The following ADAM32 variants were observed in gnomAD, a reference collection of about 807,000 sequenced individuals.
ADAM32 encodes the protein ADAM metallopeptidase domain 32.
Under a neutral mutation model 114.9 loss-of-function variants are expected in ADAM32, and 89 were observed. The ratio of observed to expected loss-of-function variants is 0.77; its 90% confidence interval spans 0.65 to 0.92. The LOEUF is 0.92. ADAM32 is among the 40% of genes least tolerant of loss of function. The probability of loss-of-function intolerance (pLI) is 0.00; values close to 1 mark genes in which losing one functional copy is unlikely to be tolerated. For missense variants in ADAM32, 870 were observed against 932.8 expected (o/e 0.93, Z 0.88); for synonymous variants, 285 against 307.5 (o/e 0.93, Z 0.77).
chr8:39,127,501 A>G (rs1802188105), intron 2 of ADAM32, among the ~76,000 whole-genome samples: 1 of 151,890 alleles, frequency 6.6e-6, no homozygotes, highest in Admixed American at 6.6e-5. Context: ...GATTGTTTGT[A>G]TTTCTGTGGG....
In ADAM32 at chr8:39,200,540, T is replaced by G. The variant is rs1195773242; in HGVS notation, c.1053-10604T>G. ...GGATATTAGCCCTTTGTCAGATGAGTAGATTGCAAAAATTTTCTCCCATTC... is the reference window on the plus strand; with the variant it reads ...GGATATTAGCCCTTTGTCAGATGAGGAGATTGCAAAAATTTTCTCCCATTC... On this transcript the variant is annotated intron_variant, in intron 11 of 24. Transcript: ENST00000379907. Among the ~76,000 whole-genome samples the G allele has an allele frequency of 4.6e-5, 7 of 152,308 alleles. No individual in the cohort carries two copies. The East Asian group carries it at 1.4e-3, about 29-fold the overall frequency.
chr8:39,229,959 C>T (rs536433010), intron 14 of ADAM32, among the ~76,000 whole-genome samples: 2 of 152,278 alleles, frequency 1.3e-5, no homozygotes, highest in South Asian at 2.1e-4. Flanking sequence ...AAACGAGCCT[C>T]AATAAATTTA....
intron 2 of ADAM32, among the ~76,000 whole-genome samples, chr8:39,134,030 C>T (rs1414881882): frequency 6.6e-6 from 1 of 152,144 alleles, no homozygotes; most frequent in Non-Finnish European, 1.5e-5. Context: ...TGCTACATCG[C>T]CCCTTCTCTG....
intron 2 of ADAM32, among the ~76,000 whole-genome samples, chr8:39,135,482 G>A (rs1802744536): frequency 6.6e-6 from 1 of 152,094 alleles, no homozygotes; most frequent in Non-Finnish European, 1.5e-5. Context: ...TCAGTTTCCT[G>A]TAATGTTAGC....
chr8:39,189,347 G>T (rs988575057), intron 11 of ADAM32, among the ~76,000 whole-genome samples: 3 of 151,940 alleles, frequency 2.0e-5, no homozygotes, highest in African/African-American at 7.3e-5. Flanking sequence ...ATTGGCATTC[G>T]CTTAAACTAA....
intron 2 of ADAM32, among the ~76,000 whole-genome samples, chr8:39,122,361 G>A (rs1264001344): frequency 6.6e-6 from 1 of 152,042 alleles, no homozygotes; most frequent in Non-Finnish European, 1.5e-5. Context: ...ATAGAGGTGT[G>A]ACCTTAATCT....
intron 12 of ADAM32, among the ~76,000 whole-genome samples, chr8:39,215,731 T>C (rs555252331): frequency 6.6e-6 from 1 of 152,198 alleles, no homozygotes; most frequent in East Asian, 1.9e-4. Context: ...CTTGTTTTAT[T>C]GCATTGTGGT....
intron 9 of ADAM32, chr8:39,168,197 T>C (rs531004510): frequency 1.3e-5 from 2 of 152,228 alleles, no homozygotes; most frequent in South Asian, 2.1e-4. Context: ...GAAAAGAATA[T>C]ATTTGCAAGA....
Position 39,151,540 on chromosome 8 carries a change from A to G in ADAM32, c.517A>G (p.Ser173Gly). 3 of 1,561,606 alleles carry G rather than the reference A, an allele frequency of 1.9e-6. No individual in the cohort carries two copies. The highest frequency in any genetic ancestry group is 2.6e-6 in the Non-Finnish European group (3 of 1,159,102). ...ACCAATGGATGACAACATTTTTATA[A>G]GTGAAAAAGTGAGTTGTATATGTTT... ...EQPMDDNIFI[S>G]EKSEPAVPDL... The change falls in exon 6 of 25, where the codon AGT becomes GGT. Residue 173 changes from serine to glycine, a missense_variant. Coordinates refer to ENST00000379907, the MANE Select transcript of ADAM32 (RefSeq NM_145004.7).
Position 39,280,339 on chromosome 8 carries a change from GT to G in ADAM32, c.2280-791del, listed in dbSNP as rs1007765174. Among the ~76,000 whole-genome samples, 4 of 152,148 alleles carry G rather than the reference GT, an allele frequency of 2.6e-5. No homozygotes were observed. The South Asian group carries it at 8.3e-4, about 32-fold the overall frequency. ...GACTGTCAATCTTAGTTATGCATACGTTTTTTGTTTTCTTCAGCTTTTCTCT... is the reference window on the plus strand; with the variant it reads ...GACTGTCAATCTTAGTTATGCATACGTTTTTGTTTTCTTCAGCTTTTCTCT... On this transcript the variant is annotated intron_variant, in intron 22 of 24. Coordinates refer to ENST00000379907, the MANE Select transcript of ADAM32 (RefSeq NM_145004.7).
intron 11 of ADAM32, among the ~76,000 whole-genome samples, chr8:39,205,473 G>A (rs984762203): frequency 6.6e-5 from 10 of 152,242 alleles, no homozygotes; most frequent in African/African-American, 2.4e-4. Flanking sequence ...CATTGGAAAA[G>A]CACAGTATTA....
At chr8:39,143,110 C>A (rs1803275450) in intron 3 of ADAM32, among the ~76,000 whole-genome samples, 1 of 152,176 alleles carries the variant, frequency 6.6e-6, no homozygotes, top group South Asian at 2.1e-4. Flanking sequence ...ATTTGTCTAA[C>A]CTTTTTTCAA....
At position 39,283,602 on chromosome 8, in the gene ADAM32, A is replaced by G; in HGVS notation, c.2335A>G (p.Ser779Gly). 4.4e-6 allele frequency: 7 copies of G among 1,603,250 alleles called. No individual in the cohort carries two copies. Among genetic ancestry groups the G allele is most frequent in the Non-Finnish European group, 4.3e-6 (5 of 1,172,750 alleles). The change falls in exon 24 of 25, where the codon AGT becomes GGT. Residue 779 changes from serine (S) to glycine (G), a missense_variant. Ser to Gly is a moderately conservative substitution (Grantham distance 56). Coordinates refer to ENST00000379907, the MANE Select transcript of ADAM32 (RefSeq NM_145004.7). ...TTTCCTTAGATCCAAATCACAGGAC[A>G]GTACCCAAACACAAAGCAGTAGGTA... ...AYTSRSKSQD[S>G]TQTQSSSN
At chr8:39,197,956 C>G (rs537849918) in intron 11 of ADAM32, among the ~76,000 whole-genome samples, 3 of 152,090 alleles carry the variant, frequency 2.0e-5, no homozygotes, top group Non-Finnish European at 4.4e-5. Flanking sequence ...GTCTATTTCT[C>G]TGTTTACTTC....
chr8:39,188,631 G>A (rs1440391476), intron 11 of ADAM32, among the ~76,000 whole-genome samples: 1 of 151,986 alleles, frequency 6.6e-6, no homozygotes, highest in East Asian at 1.9e-4. Context: ...TCTCTACAGG[G>A]CAGTTCCTAT....
intron 11 of ADAM32, among the ~76,000 whole-genome samples, chr8:39,209,241 T>A (rs1808052519): frequency 6.6e-6 from 1 of 152,346 alleles, no homozygotes; most frequent in African/African-American, 2.4e-5. Flanking sequence ...TTCTTCCTTT[T>A]GTTTGATCAC....
intron 11 of ADAM32, among the ~76,000 whole-genome samples, chr8:39,205,641 T>G (rs1387623115): frequency 6.6e-6 from 1 of 152,176 alleles, no homozygotes; most frequent in Non-Finnish European, 1.5e-5. Context: ...GCACCAACTG[T>G]CCGACAAGCC....
At chr8:39,163,909 G>A (rs965634144) in intron 7 of ADAM32, among the ~76,000 whole-genome samples, 11 of 152,184 alleles carry the variant, frequency 7.2e-5, no homozygotes, top group Admixed American at 6.5e-5. Context: ...ACTATAGAGA[G>A]TTTGTCTATG....
chr8:39,125,655 C>A (rs1802068855), intron 2 of ADAM32, among the ~76,000 whole-genome samples: 1 of 152,098 alleles, frequency 6.6e-6, no homozygotes, highest in African/African-American at 2.4e-5. Context: ...CTTTCTTTTG[C>A]CCCACAGAAG....
Sources: allele counts gnomAD v4.1 joint callset (sites outside exome capture counted in the v4.1 genomes callset), GRCh38; gene constraint gnomAD v4.1.1; transcripts MANE v1.5; gene names NCBI Gene and HGNC (gene_info 2026-07-23, HGNC 2026-07-21).